Variants in WDR19 observed in about 807,000 individuals in gnomAD.
The protein encoded by WDR19 is WD repeat-containing protein 19.
WDR19 carries 121 observed loss-of-function variants against 180.0 expected under a neutral mutation model. The observed-to-expected ratio is 0.67, with a 90% CI of 0.58 to 0.78. The LOEUF (loss-of-function observed/expected upper bound fraction) is 0.78. Ranked by LOEUF, WDR19 falls within the 30% of genes least tolerant of loss-of-function variation. WDR19 has a pLI of 0.00. For missense variants in WDR19, 1,450 were observed against 1,640.7 expected (o/e 0.88, Z 2.01); for synonymous variants, 497 against 540.7 (o/e 0.92, Z 1.12).
rs2109327092 is a variant in WDR19 at position 39,216,111 on chromosome 4, G to A, written c.1150G>A (p.Val384Ile). The change falls in exon 12 of 37, where the codon GTT becomes ATT. Residue 384 changes from valine (V) to isoleucine (I), a missense_variant. Val to Ile is a conservative substitution (Grantham distance 29). Transcript: ENST00000399820. ...TTTATTATAGGAGCTACCAATCACAGTTTCTGTTGATGTGGAACCCAACTT... is the reference window on the plus strand; with the variant it reads ...TTTATTATAGGAGCTACCAATCACAATTTCTGTTGATGTGGAACCCAACTT... ...NPVEGELPIT[V>I]SVDVEPNFVA... 1.9e-6 allele frequency: 3 copies of A among 1,587,910 alleles called. No individual in the cohort carries two copies. Among genetic ancestry groups the A allele is most frequent in the Admixed American group, 3.5e-5 (2 of 56,400 alleles).
chr4:39,272,915 G>T, intron 31 of WDR19, 65 bp from the exon 32 acceptor site: 1 of 1,350,896 alleles, frequency 7.4e-7, no homozygotes, highest in Non-Finnish European at 1.0e-6. Context: ...TTATTTGGGG[G>T]AACAAAGCAT....
Position 39,238,515 on chromosome 4 carries a change from G to T in WDR19, c.2364-1762G>T, listed in dbSNP as rs531436631. 7.2e-5 allele frequency among the ~76,000 whole-genome samples: 11 copies of T among 152,298 alleles called. No homozygotes were observed. In the South Asian group the frequency reaches 2.3e-3, roughly 32 times the overall value. ...ACTGTCAACTCAATTGATTATATCA[G>T]CTGAGCTAGGGATATCTCCTGAGAA... is the stretch of plus-strand genomic sequence containing the variant. On this transcript the variant is annotated intron_variant, in intron 20 of 36. Coordinates refer to ENST00000399820, the MANE Select transcript of WDR19 (RefSeq NM_025132.4).
intron 9 of WDR19, among the ~76,000 whole-genome samples, chr4:39,212,483 G>C (rs1454843260): frequency 2.0e-5 from 3 of 152,166 alleles, no homozygotes; most frequent in Non-Finnish European, 4.4e-5. Context: ...TTTGCTTTGT[G>C]AAGTACTCTG....
intron 31 of WDR19, among the ~76,000 whole-genome samples, chr4:39,271,965 G>A (rs531092107): frequency 1.3e-5 from 2 of 152,188 alleles, no homozygotes; most frequent in Non-Finnish European, 2.9e-5. Context: ...GTAGCCATAC[G>A]TGATTAATGC....
At chr4:39,269,946 A>G in intron 30 of WDR19, 30 bp from the exon 31 acceptor site, 1 of 1,611,800 alleles carries the variant, frequency 6.2e-7, no homozygotes, top group Non-Finnish European at 8.5e-7. Flanking sequence ...CACCCTTTGC[A>G]GTAATGTCGT....
chr4:39,222,637 T>G (rs1729816101), intron 14 of WDR19, among the ~76,000 whole-genome samples: 1 of 152,200 alleles, frequency 6.6e-6, no homozygotes, highest in South Asian at 2.1e-4. Flanking sequence ...TCCAGCACCA[T>G]TTTTTGAAAA....
chr4:39,282,226 G>A (rs941687166), intron 36 of WDR19, among the ~76,000 whole-genome samples: 3 of 152,174 alleles, frequency 2.0e-5, no homozygotes, highest in African/African-American at 7.2e-5. Context: ...AGTATCACTG[G>A]TGTGGGAAAT....
At chr4:39,266,036 G>C in intron 28 of WDR19, 27 bp from the exon 29 acceptor site, 1 of 1,547,270 alleles carries the variant, frequency 6.5e-7, no homozygotes, top group Non-Finnish European at 8.7e-7. Flanking sequence ...TGCTGAATTT[G>C]CTGGGTTTTT....
rs750722358 is a variant in WDR19 at position 39,268,106 on chromosome 4, C to G, written c.3358+15C>G. On this transcript the variant is annotated intron_variant, in intron 30 of 36. Transcript: ENST00000399820. Reference sequence around the variant, plus strand: ...GCAGTCTGCAGGTAGGTCCGTGATACGTATGTGTTACTTCCCAAGCAGGCA... The same window carrying G: ...GCAGTCTGCAGGTAGGTCCGTGATAGGTATGTGTTACTTCCCAAGCAGGCA... The G allele has an allele frequency of 5.1e-6, 8 of 1,554,346 alleles. No individual in the cohort carries two copies. The African/African-American group carries it at 1.1e-4, about 21-fold the overall frequency.
chr4:39,196,941 A>G (rs190966292), intron 5 of WDR19, among the ~76,000 whole-genome samples: 1 of 152,348 alleles, frequency 6.6e-6, no homozygotes, highest in Admixed American at 6.5e-5. Context: ...CTGCATAGGT[A>G]CTGTATTAGA....
Position 39,217,151 on chromosome 4 carries a change from GAT to G in WDR19, c.1270_1271del (p.Met424GlyfsTer14). On this transcript the variant is annotated frameshift_variant, in exon 13 of 37. Coordinates refer to ENST00000399820, the MANE Select transcript of WDR19 (RefSeq NM_025132.4). LOFTEE classifies it high-confidence loss of function. ...TGCTACAGCTGTGAAAAAATTGAAA[GAT>G]ATGGAGTATCTGGGAACAGTAGCCA... ...LGENAVKKLKDMEYLGTVASI... is the reference protein window; with the variant it reads ...LGENAVKKLKXMEYLGTVASI... 1 of 1,606,512 alleles carries G rather than the reference GAT, an allele frequency of 6.2e-7. No homozygotes were observed. Among genetic ancestry groups the G allele is most frequent in the Non-Finnish European group, 8.5e-7 (1 of 1,176,534 alleles).
chr4:39,215,788 C>T, intron 10 of WDR19, 53 bp from the exon 11 acceptor site: 1 of 1,490,248 alleles, frequency 6.7e-7, no homozygotes, highest in Non-Finnish European at 9.1e-7. Flanking sequence ...TTGTTTGCTG[C>T]CTGCAACTAT....
Position 39,189,746 on chromosome 4 carries a change from C to G in WDR19, c.255C>G (p.Asn85Lys), listed in dbSNP as rs762839914. The G allele has an allele frequency of 1.2e-6, 2 of 1,610,850 alleles. No individual in the cohort carries two copies. Among genetic ancestry groups the G allele is most frequent in the Non-Finnish European group, 1.7e-6 (2 of 1,178,888 alleles). The change falls in exon 4 of 37, where the codon AAC becomes AAG. Residue 85 changes from asparagine to lysine, a missense_variant. Coordinates refer to ENST00000399820, the MANE Select transcript of WDR19 (RefSeq NM_025132.4). ...KSSCIYLWDANTNKTSQLDNG... is the reference protein window; with the variant it reads ...KSSCIYLWDAKTNKTSQLDNG... ...GCTGCATTTATCTTTGGGATGCCAACACAAATAAGACCAGCCAGTTAGACA... is the reference window on the plus strand; with the variant it reads ...GCTGCATTTATCTTTGGGATGCCAAGACAAATAAGACCAGCCAGTTAGACA...
intron 14 of WDR19, among the ~76,000 whole-genome samples, chr4:39,223,984 C>T (rs1478260776): frequency 6.6e-6 from 1 of 151,990 alleles, no homozygotes; most frequent in East Asian, 1.9e-4. Context: ...CACAGTATAC[C>T]TCTCCATTTA....
At chr4:39,188,371 A>G (rs1421620253) in intron 3 of WDR19, among the ~76,000 whole-genome samples, 1 of 152,130 alleles carries the variant, frequency 6.6e-6, no homozygotes, top group Non-Finnish European at 1.5e-5. Context: ...GTTTATAACT[A>G]TGTTGTTACC....
intron 18 of WDR19, 27 bp from the exon 19 acceptor site, chr4:39,232,135 T>C (rs1560518403): frequency 6.3e-7 from 1 of 1,590,230 alleles, no homozygotes; most frequent in Admixed American, 1.8e-5. Flanking sequence ...GCATTTTTTT[T>C]CTCATCAGAA....
chr4:39,201,106 G>GT (rs1451647525), intron 6 of WDR19, among the ~76,000 whole-genome samples: 1 of 152,102 alleles, frequency 6.6e-6, no homozygotes, highest in Non-Finnish European at 1.5e-5. Flanking sequence ...TTTTTCTCAT[G>GT]TAACAGAGAG....
intron 31 of WDR19, 141 bp downstream of exon 31, chr4:39,270,241 T>C: frequency 8.4e-7 from 1 of 1,188,788 alleles, no homozygotes. Flanking sequence ...ATACAGAACA[T>C]ATCTACAATA....
At chr4:39,270,140 T>C in intron 31 of WDR19, 40 bp downstream of exon 31, 1 of 1,607,272 alleles carries the variant, frequency 6.2e-7, no homozygotes, top group Non-Finnish European at 8.5e-7. Context: ...ACCTGCCAGG[T>C]GTTTGTCCCC....
Sources: allele counts gnomAD v4.1 joint callset (sites outside exome capture counted in the v4.1 genomes callset), GRCh38; gene constraint gnomAD v4.1.1; transcripts MANE v1.5; gene names NCBI Gene and HGNC (gene_info 2026-07-23, HGNC 2026-07-21).